The following PTPRD variants were observed in gnomAD, a reference collection of about 807,000 sequenced individuals.
PTPRD encodes protein tyrosine phosphatase receptor type D.
Under a neutral mutation model 214.5 loss-of-function variants are expected in PTPRD, and 34 were observed. The observed-to-expected ratio is 0.16, with a 90% CI of 0.12 to 0.21. The LOEUF is 0.21. Ranked by LOEUF, PTPRD falls within the 10% of genes least tolerant of loss-of-function variation. The probability of loss-of-function intolerance (pLI) is 1.00; values close to 1 mark genes in which losing one functional copy is unlikely to be tolerated. For missense variants in PTPRD, 2,545 were observed against 2,398.7 expected (o/e 1.06, Z -1.27); for synonymous variants, 1,128 against 845.7 (o/e 1.33, Z -5.79).
intron 14 of PTPRD, among the ~76,000 whole-genome samples, chr9:8,551,992 T>C (rs919847083): frequency 6.6e-6 from 1 of 152,200 alleles, no homozygotes; most frequent in African/African-American, 2.4e-5. Context: ...GTACTTCAAT[T>C]GTAGCTAAGA....
chr9:8,703,917 G>T (rs115823017), intron 12 of PTPRD, among the ~76,000 whole-genome samples: 1 of 152,076 alleles, frequency 6.6e-6, no homozygotes, highest in Non-Finnish European at 1.5e-5. Flanking sequence ...ACCCTCCTCC[G>T]AGTGTTTCTT....
At position 10,542,786 on chromosome 9, in the gene PTPRD, T is replaced by C. The variant is rs554303973; in HGVS notation, c.-600+69612A>G. Reference sequence around the variant, plus strand: ...CAGGCTGGAGTGCAATGGTGTGATCTTGGCTCACCACAACCTCCGCCTCCT... The same window carrying C: ...CAGGCTGGAGTGCAATGGTGTGATCCTGGCTCACCACAACCTCCGCCTCCT... On this transcript the variant is annotated intron_variant, in intron 2 of 45. Coordinates refer to ENST00000381196, the MANE Select transcript of PTPRD (RefSeq NM_002839.4). Among the ~76,000 whole-genome samples, 223 of 152,266 alleles carry C rather than the reference T, an allele frequency of 1.5e-3. 1 individual carries two copies. The highest frequency in any genetic ancestry group is 5.3e-3 in the African/African-American group (219 of 41,540).
intron 2 of PTPRD, among the ~76,000 whole-genome samples, chr9:10,609,696 C>T (rs745906282): frequency 1.1e-4 from 16 of 151,776 alleles, no homozygotes; most frequent in Non-Finnish European, 2.2e-4. Flanking sequence ...AAGAATAAAG[C>T]AAAAAAAGTT....
intron 10 of PTPRD, among the ~76,000 whole-genome samples, chr9:9,099,933 CAG>C (rs951313964): frequency 3.3e-5 from 5 of 150,600 alleles, no homozygotes; most frequent in South Asian, 2.1e-4. Context: ...TTAAGCAACT[CAG>C]GGGAAAATCT....
chr9:10,269,333 C>T (rs2094287833), intron 3 of PTPRD, among the ~76,000 whole-genome samples: 1 of 152,160 alleles, frequency 6.6e-6, no homozygotes, highest in South Asian at 2.1e-4. Context: ...ACATACTTAG[C>T]TGATAATGAG....
At chr9:10,354,893 G>A (rs947737598) in intron 2 of PTPRD, among the ~76,000 whole-genome samples, 1 of 152,078 alleles carries the variant, frequency 6.6e-6, no homozygotes, top group South Asian at 2.1e-4. Context: ...ATGTGCTCAT[G>A]GTACTTTCCT....
chr9:9,773,620 C>G (rs1379387044), intron 5 of PTPRD, among the ~76,000 whole-genome samples: 3 of 152,140 alleles, frequency 2.0e-5, no homozygotes, highest in Non-Finnish European at 2.9e-5. Context: ...TAGAATGAAA[C>G]AGTCTAAGCC....
intron 11 of PTPRD, among the ~76,000 whole-genome samples, chr9:8,910,227 C>T (rs1042305333): frequency 6.6e-6 from 1 of 151,744 alleles, no homozygotes; most frequent in Non-Finnish European, 1.5e-5. Context: ...TTAGTAGAGA[C>T]GGGATTTCAC....
At chr9:9,395,466 T>C (rs771175405) in intron 9 of PTPRD, among the ~76,000 whole-genome samples, 68 of 152,246 alleles carry the variant, frequency 4.5e-4, no homozygotes, top group Non-Finnish European at 5.7e-4. Context: ...GATTCTGATA[T>C]GCAACCTGGT....
chr9:9,393,441 C>A (rs569873266), intron 9 of PTPRD, among the ~76,000 whole-genome samples: 19 of 152,188 alleles, frequency 1.2e-4, no homozygotes, highest in Middle Eastern at 3.4e-3. Flanking sequence ...TGGAAGGTGA[C>A]TCACCATATA....
At chr9:9,689,315 G>T (rs942513576) in intron 7 of PTPRD, among the ~76,000 whole-genome samples, 1 of 151,648 alleles carries the variant, frequency 6.6e-6, no homozygotes, top group Non-Finnish European at 1.5e-5. Flanking sequence ...AATCATTCCA[G>T]AAATAACAGT....
intron 2 of PTPRD, among the ~76,000 whole-genome samples, chr9:10,481,036 C>CTT (rs34046583): frequency 6.1e-5 from 9 of 148,468 alleles, no homozygotes; most frequent in East Asian, 2.0e-4. Flanking sequence ...TCATTTGGTA[C>CTT]TTTTTTTTTT....
At chr9:9,705,581 T>C (rs1050510713) in intron 7 of PTPRD, among the ~76,000 whole-genome samples, 2 of 152,080 alleles carry the variant, frequency 1.3e-5, no homozygotes, top group Admixed American at 6.6e-5. Flanking sequence ...TAGAAGCATA[T>C]AATAAAGATA....
chr9:10,370,819 T>C (rs543291421), intron 2 of PTPRD, among the ~76,000 whole-genome samples: 7 of 151,990 alleles, frequency 4.6e-5, no homozygotes, highest in Non-Finnish European at 8.8e-5. Flanking sequence ...TGATAAAAGA[T>C]CTCTTCTCTC....
intron 4 of PTPRD, among the ~76,000 whole-genome samples, chr9:9,953,812 G>C (rs1030125298): frequency 6.6e-6 from 1 of 152,068 alleles, no homozygotes; most frequent in East Asian, 1.9e-4. Context: ...CACTCTTCCC[G>C]CCATAGGGTT....
chr9:9,931,498 C>G (rs1052093403), intron 5 of PTPRD, among the ~76,000 whole-genome samples: 1 of 152,126 alleles, frequency 6.6e-6, no homozygotes, highest in Admixed American at 6.5e-5. Flanking sequence ...CGCTCCCACC[C>G]GAATACTGCG....
intron 7 of PTPRD, among the ~76,000 whole-genome samples, chr9:9,660,636 C>T (rs2096605131): frequency 6.6e-6 from 1 of 151,882 alleles, no homozygotes; most frequent in Admixed American, 6.6e-5. Flanking sequence ...ATTTTAATTT[C>T]TTGATTTGTC....
chr9:9,460,176 G>A (rs991859085), intron 8 of PTPRD, among the ~76,000 whole-genome samples: 3 of 151,794 alleles, frequency 2.0e-5, no homozygotes, highest in Non-Finnish European at 4.4e-5. Flanking sequence ...TATTTCTCAC[G>A]ATATAAAAAC....
chr9:10,191,615 T>A (rs141315709), intron 3 of PTPRD, among the ~76,000 whole-genome samples: 1 of 152,232 alleles, frequency 6.6e-6, no homozygotes, highest in African/African-American at 2.4e-5. Context: ...CCCTATACTT[T>A]GTTTGTATTG....
Sources: gnomAD v4.1 joint callset for allele counts (sites outside exome capture counted in the v4.1 genomes callset) on GRCh38, gnomAD v4.1.1 for gene constraint, MANE v1.5 for transcripts, NCBI Gene and HGNC (gene_info 2026-07-23, HGNC 2026-07-21) for gene names.